Variants in PPP1R21 observed in about 807,000 individuals in gnomAD.
PPP1R21 encodes the protein KLRAQ motif containing 1.
In PPP1R21, 85 loss-of-function variants were observed where a neutral mutation model predicts 112.8. That is an observed-to-expected ratio of 0.75 (90% CI 0.63 to 0.90). PPP1R21 has a LOEUF of 0.90. Ranked by LOEUF, PPP1R21 falls within the 40% of genes least tolerant of loss-of-function variation. PPP1R21 has a pLI of 0.00. For synonymous variants in PPP1R21, 381 were observed against 322.3 expected, an observed-to-expected ratio of 1.18 and a Z score of -1.95; for missense variants, 1,199 against 901.5, an observed-to-expected ratio of 1.33 and a Z score of -4.23.
intron 17 of PPP1R21, among the ~76,000 whole-genome samples, chr2:48,500,257 T>TA (rs1243309890): frequency 6.6e-6 from 1 of 152,142 alleles, no homozygotes; most frequent in Non-Finnish European, 1.5e-5. Context: ...TCAGTGTACT[T>TA]AGAGTAAGGT....
At chr2:48,492,905 T>C (rs371890806) in intron 15 of PPP1R21, among the ~76,000 whole-genome samples, 13 of 152,322 alleles carry the variant, frequency 8.5e-5, no homozygotes, top group South Asian at 8.3e-4. Flanking sequence ...GGTTTCTTGC[T>C]GTTGTTTTGG....
chr2:48,473,726 C>G (rs1024926653), intron 11 of PPP1R21, among the ~76,000 whole-genome samples: 1 of 152,072 alleles, frequency 6.6e-6, no homozygotes, highest in Non-Finnish European at 1.5e-5. Context: ...TCCTATGCTA[C>G]CTTTTCTGGC....
intron 16 of PPP1R21, 97 bp from the exon 17 acceptor site, chr2:48,498,396 T>A: frequency 8.7e-7 from 1 of 1,150,010 alleles, no homozygotes; most frequent in Non-Finnish European, 1.3e-6. Context: ...TTTACCTCTG[T>A]GGGGTAGTTT....
At chr2:48,475,591 T>TA (rs1319324679) in intron 12 of PPP1R21, among the ~76,000 whole-genome samples, 2 of 152,122 alleles carry the variant, frequency 1.3e-5, no homozygotes, top group African/African-American at 4.8e-5. Context: ...CTCATGCCTG[T>TA]AATCCCAGCA....
chr2:48,508,828 T>C (rs183815560), intron 19 of PPP1R21, among the ~76,000 whole-genome samples: 60 of 152,344 alleles, frequency 3.9e-4, no homozygotes, highest in Admixed American at 3.2e-3. Context: ...GAATTTTTTT[T>C]AGGCTGTTTG....
Position 48,471,263 on chromosome 2 carries a change from T to G in PPP1R21, c.1000-16T>G. 6.2e-7 allele frequency: 1 copy of G among 1,608,968 alleles called. No individual in the cohort carries two copies. The highest frequency in any genetic ancestry group is 8.5e-7 in the Non-Finnish European group (1 of 1,177,724). ...CCAGTAGCACTTTTAACCTTGAAAT[T>G]ATTTTTCTTTTCCAGGAGACAACTG... On this transcript the variant is annotated splice_polypyrimidine_tract_variant and intron_variant, in intron 10 of 21. Transcript: ENST00000294952.
intron 12 of PPP1R21, 82 bp downstream of exon 12, chr2:48,474,901 T>G: frequency 1.6e-6 from 2 of 1,224,352 alleles, no homozygotes; most frequent in Non-Finnish European, 2.3e-6. Flanking sequence ...TTTAGCTAAG[T>G]AGAGTGAGAG....
intron 13 of PPP1R21, among the ~76,000 whole-genome samples, chr2:48,486,405 AG>A (rs1669298842): frequency 6.6e-6 from 1 of 152,206 alleles, no homozygotes. Flanking sequence ...TGGTGGCTGT[AG>A]TAAAGATAGC....
chr2:48,450,021 G>A (rs1191261805), intron 1 of PPP1R21, among the ~76,000 whole-genome samples: 1 of 152,048 alleles, frequency 6.6e-6, no homozygotes, highest in Non-Finnish European at 1.5e-5. Flanking sequence ...GTATACATAA[G>A]TAAAAATGCA....
intron 11 of PPP1R21, 162 bp downstream of exon 11, chr2:48,471,529 C>T (rs1309942660): frequency 3.1e-6 from 2 of 654,650 alleles, no homozygotes; most frequent in Non-Finnish European, 5.0e-6. Context: ...GGTTGAGCAG[C>T]ATTAACTTAA....
chr2:48,461,205 A>T lies in PPP1R21; in HGVS notation c.667A>T (p.Asn223Tyr). 1 of 1,582,290 alleles carries T rather than the reference A, an allele frequency of 6.3e-7. No homozygotes were observed. Among genetic ancestry groups the T allele is most frequent in the Non-Finnish European group, 8.5e-7 (1 of 1,170,166 alleles). Reference protein sequence around the residue: ...GRLEESLSIINEKVPFNDTKY... With the variant: ...GRLEESLSIIYEKVPFNDTKY... Reference sequence around the variant, plus strand: ...ATTAGAGGAATCCTTATCAATCATCAATGAAAAAGTACCTTTTAATGATAC... The same window carrying T: ...ATTAGAGGAATCCTTATCAATCATCTATGAAAAAGTACCTTTTAATGATAC... The change falls in exon 7 of 22, where the codon AAT becomes TAT. Residue 223 changes from asparagine (N) to tyrosine (Y), a missense_variant. Physicochemically the swap from Asn to Tyr is moderately radical, Grantham distance 143. Coordinates refer to ENST00000294952, the MANE Select transcript of PPP1R21 (RefSeq NM_001135629.3).
Position 48,514,802 on chromosome 2 carries a change from C to T in PPP1R21, c.*58C>T, listed in dbSNP as rs189926345. The T allele has an allele frequency of 1.5e-4, 237 of 1,588,150 alleles. No homozygotes were observed. The African/African-American group carries it at 2.2e-3, about 15-fold the overall frequency. ...CAGACCTGCTCCTGCTGCACAGAGC[C>T]GCAGGGCTGAGACCACGTCCATGCT... On this transcript the variant is annotated 3_prime_UTR_variant, in exon 22 of 22. Coordinates refer to ENST00000294952, the MANE Select transcript of PPP1R21 (RefSeq NM_001135629.3).
chr2:48,481,843 A>G (rs897557884), intron 13 of PPP1R21, among the ~76,000 whole-genome samples: 2 of 152,240 alleles, frequency 1.3e-5, no homozygotes, highest in Non-Finnish European at 2.9e-5. Context: ...TCATGACACC[A>G]TAAGTGGAAA....
chr2:48,471,535 C>G, intron 11 of PPP1R21, 168 bp downstream of exon 11: 1 of 638,448 alleles, frequency 1.6e-6, no homozygotes, highest in East Asian at 2.9e-5. Context: ...GCAGCATTAA[C>G]TTAAATTTAA....
rs769758453 is a variant in PPP1R21 at position 48,491,053 on chromosome 2, C to A, written c.1482C>A (p.Phe494Leu). Residue 494 changes from phenylalanine (F) to leucine (L), a missense_variant, in exon 15 of 22, where the codon TTC becomes TTA. Transcript: ENST00000294952. ...TCTTCAGCAACAATTTGGACTACTT[C>A]ATTGCTTCACTGAGCTATGGACCTA... ...ASFFSNNLDYFIASLSYGPKA... is the reference protein window; with the variant it reads ...ASFFSNNLDYLIASLSYGPKA... 6.2e-7 allele frequency: 1 copy of A among 1,614,072 alleles called. No homozygotes were observed.
At chr2:48,502,153 GA>G (rs1262849251) in intron 17 of PPP1R21, 1 of 152,126 alleles carries the variant, frequency 6.6e-6, no homozygotes, top group Non-Finnish European at 1.5e-5. Context: ...GGAGGGACAC[GA>G]AAAATCTTTA....
chr2:48,483,908 A>G (rs1669152154), intron 13 of PPP1R21, among the ~76,000 whole-genome samples: 3 of 151,774 alleles, frequency 2.0e-5, no homozygotes, highest in South Asian at 4.2e-4. Context: ...GGCTGGTCTC[A>G]AACTCCTGGA....
rs553666818 is a variant in PPP1R21, at chr2:48,506,490, A to G, written c.1969-779A>G. 2.0e-5 allele frequency among the ~76,000 whole-genome samples: 3 copies of G among 152,344 alleles called. No individual in the cohort carries two copies. The East Asian group carries it at 5.8e-4, about 29-fold the overall frequency. ...GTTAATATAGTTCAAGTAAGCTGGA[A>G]GATTCTTTGATTTCTGTATTTATTC... is the stretch of plus-strand genomic sequence containing the variant. On this transcript the variant is annotated intron_variant, in intron 18 of 21. Transcript: ENST00000294952.
chr2:48,454,263 AAAATAAAT>A (rs369243414), intron 2 of PPP1R21, among the ~76,000 whole-genome samples: 183 of 151,402 alleles, frequency 1.2e-3, no homozygotes, highest in African/African-American at 3.9e-3. Context: ...TCTGTCTCAA[AAAATAAAT>A]AAATAAATAA....
Sources: gnomAD v4.1 joint callset for allele counts (sites outside exome capture counted in the v4.1 genomes callset) on GRCh38, gnomAD v4.1.1 for gene constraint, MANE v1.5 for transcripts, NCBI Gene and HGNC (gene_info 2026-07-23, HGNC 2026-07-21) for gene names.